Variants in PRKCH observed in about 807,000 individuals in gnomAD.
PRKCH encodes protein kinase C eta.
PRKCH carries 28 observed loss-of-function variants against 82.5 expected under a neutral mutation model. The ratio of observed to expected loss-of-function variants is 0.34; its 90% CI spans 0.25 to 0.47. The LOEUF (loss-of-function observed/expected upper bound fraction) is 0.47. Among genes scored for constraint, PRKCH ranks in the 20% least tolerant of loss-of-function variants. The pLI is 1.00. For missense variants in PRKCH, 705 were observed against 881.8 expected, an observed-to-expected ratio of 0.80 and a Z score of 2.54; for synonymous variants, 322 against 327.4, an observed-to-expected ratio of 0.98 and a Z score of 0.18.
rs919215064 is a variant in PRKCH, at chr14:61,343,857, C to T, written c.363+21393C>T. On this transcript the variant is annotated intron_variant, in intron 1 of 13. Transcript: ENST00000332981. ...TGAATCTTCTATGTGGAAGTACAGC[C>T]TGACTTCTTTGCCTTTTCCCTGGTC... Among the ~76,000 whole-genome samples, 17 of 152,176 alleles carry T rather than the reference C, an allele frequency of 1.1e-4. 2 individuals carry two copies. The highest frequency in any genetic ancestry group is 2.5e-4 in the Non-Finnish European group (17 of 68,028).
At chr14:61,392,256 C>T (rs932582628) in intron 2 of PRKCH, among the ~76,000 whole-genome samples, 1 of 152,038 alleles carries the variant, frequency 6.6e-6, no homozygotes, top group Non-Finnish European at 1.5e-5. Context: ...ATAACACTTT[C>T]ATTTATCTTG....
chr14:61,246,520 C>T (rs2044884726), intron 1 of PRKCH, among the ~76,000 whole-genome samples: 1 of 152,122 alleles, frequency 6.6e-6, no homozygotes, highest in Non-Finnish European at 1.5e-5. Context: ...TTCTATTCCT[C>T]TGGCCTTTCT....
chr14:61,228,886 T>A (rs187598568), intron 1 of PRKCH, among the ~76,000 whole-genome samples: 2,863 of 150,256 alleles, frequency 0.019, 95 homozygotes, highest in African/African-American at 0.061. Flanking sequence ...TTAAAAAAAA[T>A]TTTTTTTAAT....
intron 9 of PRKCH, among the ~76,000 whole-genome samples, chr14:61,460,696 A>G (rs1488316378): frequency 2.0e-5 from 3 of 152,132 alleles, no homozygotes; most frequent in Admixed American, 1.3e-4. Flanking sequence ...GGCTCTTCCT[A>G]TTTGCTGGGC....
chr14:61,205,435 C>A (rs1209575194), intron 1 of PRKCH, among the ~76,000 whole-genome samples: 1 of 152,168 alleles, frequency 6.6e-6, no homozygotes, highest in Non-Finnish European at 1.5e-5. Context: ...TGCTGAGCAA[C>A]CAGGGACTAG....
At chr14:61,541,579 G>A (rs2043186146) in intron 12 of PRKCH, among the ~76,000 whole-genome samples, 1 of 152,166 alleles carries the variant, frequency 6.6e-6, no homozygotes, top group Non-Finnish European at 1.5e-5. Context: ...GAATGGAGAA[G>A]GTCATTTTGT....
At chr14:61,331,624 T>G (rs2140127851) in intron 1 of PRKCH, among the ~76,000 whole-genome samples, 1 of 152,368 alleles carries the variant, frequency 6.6e-6, no homozygotes, top group South Asian at 2.1e-4. Flanking sequence ...TCAGGAGAAC[T>G]GGGTTCAAGC....
chr14:61,312,545 C>T (rs1010028960), intron 1 of PRKCH, among the ~76,000 whole-genome samples: 6 of 152,106 alleles, frequency 3.9e-5, no homozygotes, highest in African/African-American at 1.4e-4. Context: ...AAGAAATACC[C>T]GAGAATGGGT....
intron 1 of PRKCH, chr14:61,281,318 G>C (rs374713234): frequency 7.6e-5 from 29 of 382,894 alleles, no homozygotes; most frequent in African/African-American, 6.1e-4. Context: ...GGTGAGTTTA[G>C]TTCCAGGCCC....
Position 61,369,912 on chromosome 14 carries a change from G to A in PRKCH, c.364-21313G>A, listed in dbSNP as rs186112332. ...AGCAGTAATACATATGCATATATCT[G>A]TATGTTTATATGTGTATATATATGT... is the stretch of plus-strand genomic sequence containing the variant. On this transcript the variant is annotated intron_variant, in intron 1 of 13. Coordinates refer to ENST00000332981, the MANE Select transcript of PRKCH (RefSeq NM_006255.5). 2.8e-3 allele frequency among the ~76,000 whole-genome samples: 423 copies of A among 152,110 alleles called. 1 individual carries two copies. The highest frequency in any genetic ancestry group is 0.014 in the Middle Eastern group (4 of 294).
In PRKCH at chr14:61,457,715, CT is replaced by C. The variant is rs747728886; in HGVS notation, c.1278+40del. 12 of 1,606,790 alleles carry C rather than the reference CT, an allele frequency of 7.5e-6. No individual in the cohort carries two copies. In the African/African-American group the frequency reaches 1.6e-4, roughly 21 times the overall value. ...ATCACATTCACTGCACCAACAGCCTCTTTTCTTACAGAGCTGAGACAGTAAG... is the reference window on the plus strand; with the variant it reads ...ATCACATTCACTGCACCAACAGCCTCTTTCTTACAGAGCTGAGACAGTAAG... On this transcript the variant is annotated intron_variant, in intron 9 of 13. Transcript: ENST00000332981.
At chr14:61,522,924 G>A (rs1470908404) in intron 10 of PRKCH, among the ~76,000 whole-genome samples, 5 of 152,208 alleles carry the variant, frequency 3.3e-5, no homozygotes, top group Non-Finnish European at 5.9e-5. Context: ...GAAACCAAAT[G>A]TTATGCTTTT....
At chr14:61,468,678 GT>G (rs11324300) in intron 9 of PRKCH, among the ~76,000 whole-genome samples, 20,200 of 152,116 alleles carry the variant, frequency 0.13, 2,883 homozygotes, top group African/African-American at 0.36. Context: ...TAGTTGGCCT[GT>G]TTTTTTCAGT....
chr14:61,254,602 C>T (rs1433915021), intron 1 of PRKCH, among the ~76,000 whole-genome samples: 1 of 152,046 alleles, frequency 6.6e-6, no homozygotes, highest in Non-Finnish European at 1.5e-5. Flanking sequence ...GTGACAGACC[C>T]TGTTTAAAAA....
chr14:61,369,630 T>C (rs936570066), intron 1 of PRKCH, among the ~76,000 whole-genome samples: 11 of 152,116 alleles, frequency 7.2e-5, no homozygotes, highest in Admixed American at 7.2e-4. Context: ...TTTTGTGGAA[T>C]GTAGTATATA....
At chr14:61,484,209 C>A (rs1886105421) in intron 9 of PRKCH, among the ~76,000 whole-genome samples, 1 of 151,916 alleles carries the variant, frequency 6.6e-6, no homozygotes, top group African/African-American at 2.4e-5. Flanking sequence ...GTCGCCTGAC[C>A]CCCAGGCAGG....
intron 1 of PRKCH, among the ~76,000 whole-genome samples, chr14:61,263,288 A>T (rs1202404456): frequency 6.6e-6 from 1 of 152,292 alleles, no homozygotes; most frequent in Admixed American, 6.5e-5. Context: ...AAACATATAG[A>T]CTTCAATGTT....
At chr14:61,201,801 T>C (rs2044484101) in intron 1 of PRKCH, among the ~76,000 whole-genome samples, 1 of 152,156 alleles carries the variant, frequency 6.6e-6, no homozygotes, top group Admixed American at 6.5e-5. Flanking sequence ...CAAGAAATCC[T>C]TGAAGTTGAT....
intron 9 of PRKCH, among the ~76,000 whole-genome samples, chr14:61,478,307 C>T (rs1175631968): frequency 1.3e-5 from 2 of 152,142 alleles, no homozygotes; most frequent in African/African-American, 4.8e-5. Context: ...AGGAGTTGCT[C>T]TTGGACCTCA....
Sources: gnomAD v4.1 joint callset for allele counts (sites outside exome capture counted in the v4.1 genomes callset) on GRCh38, gnomAD v4.1.1 for gene constraint, MANE v1.5 for transcripts, NCBI Gene and HGNC (gene_info 2026-07-23, HGNC 2026-07-21) for gene names.